AMBRA1: variants seen among roughly 807,000 people sequenced by gnomAD.
AMBRA1 encodes the protein activating molecule in BECN1-regulated autophagy protein 1.
A neutral mutation model predicts 125.4 loss-of-function variants in AMBRA1; 47 were observed. That is an observed-to-expected ratio of 0.37 (90% CI 0.30 to 0.48). The LOEUF (loss-of-function observed/expected upper bound fraction) is 0.48, where lower values mean the gene tolerates loss of function less well. AMBRA1 is among the 20% of genes least tolerant of loss of function. The probability of loss-of-function intolerance (pLI) is 0.99; values close to 1 mark genes in which losing one functional copy is unlikely to be tolerated. For missense variants in AMBRA1, 1,331 were observed against 1,693.4 expected (o/e 0.79, Z 3.76); for synonymous variants, 626 against 655.5 (o/e 0.95, Z 0.69).
At chr11:46,413,784 C>A (rs1241810623) in intron 15 of AMBRA1, among the ~76,000 whole-genome samples, 3 of 152,348 alleles carry the variant, frequency 2.0e-5, no homozygotes, top group Admixed American at 1.3e-4. Context: ...AGCCACCATG[C>A]CCGGCCTGAA....
intron 11 of AMBRA1, among the ~76,000 whole-genome samples, chr11:46,483,172 C>A (rs950203687): frequency 6.6e-6 from 1 of 151,988 alleles, no homozygotes; most frequent in Non-Finnish European, 1.5e-5. Context: ...CCAGGGACTC[C>A]CCTCAATAGC....
intron 14 of AMBRA1, 114 bp from the exon 15 acceptor site, chr11:46,418,166 T>G (rs1946636417): frequency 2.0e-6 from 2 of 982,582 alleles, no homozygotes; most frequent in South Asian, 3.3e-5. Context: ...GTGGTTAGGC[T>G]GGGAACAGGA....
At chr11:46,412,210 T>C (rs1353767417) in intron 15 of AMBRA1, among the ~76,000 whole-genome samples, 8 of 152,200 alleles carry the variant, frequency 5.3e-5, no homozygotes, top group African/African-American at 1.4e-4. Context: ...AAGTCCCTAA[T>C]ACACAAACTA....
intron 11 of AMBRA1, among the ~76,000 whole-genome samples, chr11:46,483,760 C>T (rs560647236): frequency 6.6e-6 from 1 of 151,896 alleles, no homozygotes; most frequent in Non-Finnish European, 1.5e-5. Flanking sequence ...ATTAGCTGGG[C>T]GTGGTGGTGT....
At position 46,493,771 on chromosome 11, in the gene AMBRA1, C is replaced by T. The variant is rs1281986488; in HGVS notation, c.2421-63G>A. The T allele has an allele frequency of 8.3e-6, 11 of 1,329,720 alleles. No homozygotes were observed. The East Asian group carries it at 2.4e-4, about 29-fold the overall frequency. 82.4% of individuals were successfully genotyped at this position (1,329,720 alleles called of 1,614,324 possible). On this transcript the variant is annotated intron_variant, in intron 10 of 17. Coordinates refer to ENST00000683756, the MANE Select transcript of AMBRA1 (RefSeq NM_001387011.1). ...ACTACCACGAAACAGATACTAACTA[C>T]CTACACTGAAAAATCTGGGCTAAGG...
At chr11:46,521,990 T>C (rs888339870) in intron 7 of AMBRA1, among the ~76,000 whole-genome samples, 13 of 152,212 alleles carry the variant, frequency 8.5e-5, no homozygotes, top group African/African-American at 3.1e-4. Flanking sequence ...AAAACATCTT[T>C]ACAAAACATT....
chr11:46,589,583 C>T (rs760301062), intron 1 of AMBRA1, among the ~76,000 whole-genome samples: 1 of 152,056 alleles, frequency 6.6e-6, no homozygotes, highest in Non-Finnish European at 1.5e-5. Flanking sequence ...TCTCTTATTC[C>T]TTTAAGAGTG....
In AMBRA1 at chr11:46,449,552, C is replaced by T. The variant is rs182408387; in HGVS notation, c.2522-5954G>A. Among the ~76,000 whole-genome samples the T allele has an allele frequency of 2.8e-3, 422 of 152,246 alleles. 3 individuals are homozygous for T. The highest frequency in any genetic ancestry group is 9.8e-3 in the African/African-American group (406 of 41,538). On this transcript the variant is annotated intron_variant, in intron 11 of 17. Coordinates refer to ENST00000683756, the MANE Select transcript of AMBRA1 (RefSeq NM_001387011.1). ...ATAAAACTAAATTAGCGAGATATTC[C>T]ATGTTCATGAATAGGAAGGCTCAGT...
At chr11:46,437,538 T>C (rs1947785414) in intron 12 of AMBRA1, among the ~76,000 whole-genome samples, 1 of 152,248 alleles carries the variant, frequency 6.6e-6, no homozygotes, top group African/African-American at 2.4e-5. Context: ...GGTAGCTCCA[T>C]TGCACTGGGT....
chr11:46,419,681 C>A (rs1474842594), intron 14 of AMBRA1, among the ~76,000 whole-genome samples: 1 of 152,002 alleles, frequency 6.6e-6, no homozygotes, highest in Non-Finnish European at 1.5e-5. Context: ...TTACCTGCCC[C>A]CAGGGTTGAT....
intron 14 of AMBRA1, among the ~76,000 whole-genome samples, chr11:46,423,442 A>G (rs1946946803): frequency 6.6e-6 from 1 of 151,706 alleles, no homozygotes; most frequent in Admixed American, 6.6e-5. Flanking sequence ...CCCAGGCTGG[A>G]GTGCAGTGGT....
chr11:46,401,968 C>A (rs993879390), intron 17 of AMBRA1, among the ~76,000 whole-genome samples: 1 of 152,208 alleles, frequency 6.6e-6, no homozygotes, highest in Admixed American at 6.5e-5. Flanking sequence ...CCCTGTCCCC[C>A]ACATTCCTGC....
Position 46,434,115 on chromosome 11 carries a change from CAAAAAAAAAAA to C in AMBRA1, c.2822-498_2822-488del, listed in dbSNP as rs145761376. Among the ~76,000 whole-genome samples the C allele has an allele frequency of 2.4e-4, 13 of 53,562 alleles. No homozygotes were observed. In the South Asian group the frequency reaches 8.1e-3, roughly 33 times the overall value. 35.1% of individuals were successfully genotyped at this position (53,562 alleles called of 152,430 possible). ...GGCCAACAAGAGTGAAACTCCGTCT[CAAAAAAAAAAA>C]AAAAAAAAAAAGAAAGAAAGTACTT... is the stretch of plus-strand genomic sequence containing the variant. On this transcript the variant is annotated intron_variant, in intron 13 of 17. Transcript: ENST00000683756.
At chr11:46,488,461 C>CA (rs74910564) in intron 11 of AMBRA1, among the ~76,000 whole-genome samples, 2,725 of 139,742 alleles carry the variant, frequency 0.02, 31 homozygotes, top group Non-Finnish European at 0.029. Flanking sequence ...CAAAACAAAA[C>CA]AAAAAAAAAA....
intron 13 of AMBRA1, among the ~76,000 whole-genome samples, chr11:46,433,984 G>A (rs2136709717): frequency 6.6e-6 from 1 of 151,880 alleles, no homozygotes; most frequent in Admixed American, 6.6e-5. Context: ...GCGTGGTTGC[G>A]CATGCCTGTA....
Position 46,577,298 on chromosome 11 carries a change from A to T in AMBRA1, c.-121+16530T>A, listed in dbSNP as rs547588038. On this transcript the variant is annotated intron_variant, in intron 1 of 17. Coordinates refer to ENST00000683756, the MANE Select transcript of AMBRA1 (RefSeq NM_001387011.1). ...TCATGAAAAGGTATGAAGTACTGATAAATATTCCAATGGAGATAAATAAAC... is the reference window on the plus strand; with the variant it reads ...TCATGAAAAGGTATGAAGTACTGATTAATATTCCAATGGAGATAAATAAAC... Among the ~76,000 whole-genome samples the T allele has an allele frequency of 7.2e-5, 11 of 152,358 alleles. No homozygotes were observed. In the East Asian group the frequency reaches 1.9e-3, roughly 27 times the overall value.
chr11:46,553,489 G>A (rs1350795279), intron 1 of AMBRA1, among the ~76,000 whole-genome samples: 1 of 151,956 alleles, frequency 6.6e-6, no homozygotes, highest in African/African-American at 2.4e-5. Flanking sequence ...GCTCACACCT[G>A]TAATCCCAGC....
At chr11:46,508,663 C>G (rs1440322075) in intron 8 of AMBRA1, among the ~76,000 whole-genome samples, 6 of 152,214 alleles carry the variant, frequency 3.9e-5, no homozygotes, top group Admixed American at 6.5e-5. Flanking sequence ...CTTCTAGCTT[C>G]TGAAGGTACA....
chr11:46,505,510 A>G (rs1950999599), intron 9 of AMBRA1, among the ~76,000 whole-genome samples: 1 of 152,234 alleles, frequency 6.6e-6, no homozygotes, highest in South Asian at 2.1e-4. Flanking sequence ...CAGCCCAAAA[A>G]GAAAGGCAAA....
Sources: allele counts gnomAD v4.1 joint callset (sites outside exome capture counted in the v4.1 genomes callset), GRCh38; gene constraint gnomAD v4.1.1; transcripts MANE v1.5; gene names NCBI Gene and HGNC (gene_info 2026-07-23, HGNC 2026-07-21).